The following CCR4 variants were observed in gnomAD, a reference collection of about 807,000 sequenced individuals.
The protein encoded by CCR4 is C-C motif chemokine receptor 4, also known as C-C chemokine receptor type 4.
Under a neutral mutation model 17.1 loss-of-function variants are expected in CCR4, and 9 were observed. The ratio of observed to expected loss-of-function variants is 0.53; its 90% CI spans 0.32 to 0.92. The LOEUF (loss-of-function observed/expected upper bound fraction) is 0.92, where lower values mean the gene tolerates loss of function less well. Ranked by LOEUF, CCR4 falls within the 40% of genes least tolerant of loss-of-function variation. The pLI, the probability that CCR4 is intolerant of heterozygous loss-of-function variation, is 0.04. For missense variants in CCR4, 385 were observed against 433.9 expected (o/e 0.89, Z 1.00); for synonymous variants, 217 against 174.3 (o/e 1.24, Z -1.93).
At position 32,954,177 on chromosome 3, in the gene CCR4, T is replaced by C; in HGVS notation, c.755T>C (p.Leu252Pro). The change falls in exon 2 of 2, where the codon CTT (leucine) becomes CCT (proline). Residue 252 changes from leucine (L) to proline (P), a missense_variant. Leu to Pro is a moderately conservative substitution (Grantham distance 98). Transcript: ENST00000330953. ...KMIFAVVVLF[L>P]GFWTPYNIVL... ...ATCTTTGCCGTGGTGGTCCTCTTCC[T>C]TGGGTTCTGGACACCTTACAACATA... is the stretch of plus-strand genomic sequence containing the variant. The C allele has an allele frequency of 6.2e-7, 1 of 1,614,128 alleles. No homozygotes were observed. Among genetic ancestry groups the C allele is most frequent in the African/African-American group, 1.3e-5 (1 of 75,028 alleles).
At position 32,954,750 on chromosome 3, in the gene CCR4, C is replaced by T. The variant is rs1159034535; in HGVS notation, c.*245C>T. ...GGCTTGCCTGCAGGCATGAGTCAGT[C>T]TGATGAGAACTCTGAGCAGTGCTTG... On this transcript the variant is annotated 3_prime_UTR_variant, in exon 2 of 2. Coordinates refer to ENST00000330953, the MANE Select transcript of CCR4 (RefSeq NM_005508.5). 2.2e-6 allele frequency: 1 copy of T among 458,122 alleles called. No homozygotes were observed. Among genetic ancestry groups the T allele is most frequent in the Non-Finnish European group, 4.0e-6 (1 of 253,010 alleles). The allele number at this position is 458,122 out of a possible 1,614,324, so 28.4% of individuals were successfully genotyped here. A position where few individuals can be genotyped will look rare whatever the true frequency, so the allele number is the denominator to read the frequency against.
Position 32,953,554 on chromosome 3 carries a change from A to G in CCR4, c.132A>G (p.Pro44=). The change falls in exon 2 of 2, where the codon CCA becomes CCG. Residue 44 remains proline (P), a synonymous_variant. Coordinates refer to ENST00000330953, the MANE Select transcript of CCR4 (RefSeq NM_005508.5). ...IKAFGELFLP[P]LYSLVFVFGL... ...CATTTGGGGAGCTCTTCCTGCCCCC[A>G]CTGTATTCCTTGGTTTTTGTATTTG... is the stretch of plus-strand genomic sequence containing the variant. 2 of 1,613,910 alleles carry G rather than the reference A, an allele frequency of 1.2e-6. No individual in the cohort carries two copies. The highest frequency in any genetic ancestry group is 1.7e-6 in the Non-Finnish European group (2 of 1,179,986).
At chr3:32,952,703 A>G (rs553340078) in intron 1 of CCR4, among the ~76,000 whole-genome samples, 315 of 152,356 alleles carry the variant, frequency 2.1e-3, no homozygotes, top group Admixed American at 2.8e-3. Flanking sequence ...AGCCTCAAGA[A>G]GGAAGCAAGG....
At chr3:32,952,936 T>A (rs1697693057) in intron 1 of CCR4, among the ~76,000 whole-genome samples, 1 of 152,218 alleles carries the variant, frequency 6.6e-6, no homozygotes, top group African/African-American at 2.4e-5. Context: ...GAATTGATTT[T>A]TACGTGCAGT....
rs1482746307 is a variant in CCR4, at chr3:32,954,937, A to G, written c.*432A>G. The G allele has an allele frequency of 5.8e-6, 1 of 171,422 alleles. No individual in the cohort carries two copies. Among genetic ancestry groups the G allele is most frequent in the African/African-American group, 2.4e-5 (1 of 41,620 alleles). 10.6% of individuals were successfully genotyped at this position (171,422 alleles called of 1,614,324 possible). ...AATTAATTTCTTGCTTTTGCGGAAC[A>G]ATATAGATAACTGTTTTTCTAATAA... On this transcript the variant is annotated 3_prime_UTR_variant, in exon 2 of 2. Transcript: ENST00000330953.
At chr3:32,953,005 G>A (rs1697694708) in intron 1 of CCR4, among the ~76,000 whole-genome samples, 1 of 152,134 alleles carries the variant, frequency 6.6e-6, no homozygotes. Flanking sequence ...AACTGATTTT[G>A]TCATCCCTGA....
rs966972957 is a variant in CCR4, at chr3:32,952,464, G to A, written c.-52+774G>A. 4.6e-5 allele frequency among the ~76,000 whole-genome samples: 7 copies of A among 152,064 alleles called. No individual in the cohort carries two copies. In the East Asian group the frequency reaches 5.8e-4, roughly 13 times the overall value. On this transcript the variant is annotated intron_variant, in intron 1 of 1. Coordinates refer to ENST00000330953, the MANE Select transcript of CCR4 (RefSeq NM_005508.5). Reference sequence around the variant, plus strand: ...TGTAGAGACAGGGTCTCCTTATGTTGCTCACGCTGGCATGGAGCTCCTTGG... The same window carrying A: ...TGTAGAGACAGGGTCTCCTTATGTTACTCACGCTGGCATGGAGCTCCTTGG...
rs61736864 is a variant in CCR4 at position 32,954,401 on chromosome 3, G to A, written c.979G>A (p.Val327Met). 5.0e-6 allele frequency: 8 copies of A among 1,611,892 alleles called. No homozygotes were observed. The African/African-American group carries it at 1.1e-4, about 22-fold the overall frequency. ...CTTCAAAACCTGCAGGGGCCTTTTT[G>A]TGCTCTGCCAATACTGTGGGCTCCT... ...QLFKTCRGLF[V>M]LCQYCGLLQI... The change falls in exon 2 of 2, where the codon GTG (valine) becomes ATG (methionine). Residue 327 changes from valine to methionine, a missense_variant. Coordinates refer to ENST00000330953, the MANE Select transcript of CCR4 (RefSeq NM_005508.5).
rs1695680336 is a variant in CCR4, at chr3:32,954,615, A to AT, written c.*110_*111insT. 5.0e-6 allele frequency: 6 copies of AT among 1,195,672 alleles called. No individual in the cohort carries two copies. The highest frequency in any genetic ancestry group is 4.7e-5 in the African/African-American group (3 of 64,436). 74.1% of individuals were successfully genotyped at this position (1,195,672 alleles called of 1,614,324 possible). On this transcript the variant is annotated 3_prime_UTR_variant, in exon 2 of 2. Transcript: ENST00000330953. ...AGCCAGTGTCAGGAGGAAGGCTTAC[A>AT]CCCACAGTGGAAAGACAGCTTCTCA...
rs774861204 is a variant in CCR4, at chr3:32,954,407, T to G, written c.985T>G (p.Cys329Gly). ...AACCTGCAGGGGCCTTTTTGTGCTCTGCCAATACTGTGGGCTCCTCCAAAT... is the reference window on the plus strand; with the variant it reads ...AACCTGCAGGGGCCTTTTTGTGCTCGGCCAATACTGTGGGCTCCTCCAAAT... ...FKTCRGLFVLCQYCGLLQIYS... is the reference protein window; with the variant it reads ...FKTCRGLFVLGQYCGLLQIYS... Residue 329 changes from cysteine (C) to glycine (G), a missense_variant, in exon 2 of 2, where the codon TGC (cysteine) becomes GGC (glycine). Cys to Gly is a radical substitution (Grantham distance 159, BLOSUM62 -3). Transcript: ENST00000330953. 33 of 1,609,784 alleles carry G rather than the reference T, an allele frequency of 2.0e-5. No homozygotes were observed. The highest frequency in any genetic ancestry group is 2.5e-5 in the Non-Finnish European group (30 of 1,178,380).
At chr3:32,952,386 C>T (rs1697686376) in intron 1 of CCR4, among the ~76,000 whole-genome samples, 1 of 152,168 alleles carries the variant, frequency 6.6e-6, no homozygotes, top group African/African-American at 2.4e-5. Flanking sequence ...TCCTGAGTAG[C>T]TGGTACTATC....
At chr3:32,952,042 T>A (rs1045836890) in intron 1 of CCR4, among the ~76,000 whole-genome samples, 3 of 151,228 alleles carry the variant, frequency 2.0e-5, no homozygotes, top group Non-Finnish European at 4.4e-5. Flanking sequence ...CAGCTGTGTC[T>A]CCTGGCTTTT....
rs1266004785 is a variant in CCR4, at chr3:32,953,447, A to G, written c.25A>G (p.Thr9Ala). MNPTDIAD[T>A]TLDESIYSNY... The stretch of plus-strand genomic sequence containing the variant: ...AATGAACCCCACGGATATAGCAGAC[A>G]CCACCCTCGATGAAAGCATATACAG... The change falls in exon 2 of 2, where the codon ACC (threonine) becomes GCC (alanine). Residue 9 changes from threonine to alanine, a missense_variant. By Grantham distance (58) the Thr-to-Ala change is moderately conservative (BLOSUM62 0). Transcript: ENST00000330953. 6.2e-7 allele frequency: 1 copy of G among 1,612,018 alleles called. No individual in the cohort carries two copies. The highest frequency in any genetic ancestry group is 8.5e-7 in the Non-Finnish European group (1 of 1,178,944).
intron 1 of CCR4, among the ~76,000 whole-genome samples, chr3:32,952,886 C>A (rs1330046917): frequency 6.6e-6 from 1 of 152,098 alleles, no homozygotes; most frequent in Non-Finnish European, 1.5e-5. Flanking sequence ...TTTTCTAGAT[C>A]CATCAGGTGA....
chr3:32,953,965 G>A lies in CCR4; in HGVS notation c.543G>A (p.Glu181=), dbSNP rs139338126. The A allele has an allele frequency of 3.5e-4, 561 of 1,613,958 alleles. No homozygotes were observed. The highest frequency in any genetic ancestry group is 4.5e-4 in the Non-Finnish European group (531 of 1,180,032). ...TTCTGTTCAGCACTTGTTATACTGAGCGCAACCATACCTACTGCAAAACCA... is the reference window on the plus strand; with the variant it reads ...TTCTGTTCAGCACTTGTTATACTGAACGCAACCATACCTACTGCAAAACCA... The part of the protein sequence containing the change: ...PGFLFSTCYT[E]RNHTYCKTKY... The change falls in exon 2 of 2, where the codon GAG becomes GAA. Residue 181 remains glutamate (E), a synonymous_variant. Coordinates refer to ENST00000330953, the MANE Select transcript of CCR4 (RefSeq NM_005508.5).
Position 32,955,551 on chromosome 3 carries a change from A to T in CCR4, c.*1046A>T, listed in dbSNP as rs1695708949. The T allele has an allele frequency of 6.0e-6, 1 of 165,300 alleles. No individual in the cohort carries two copies. Among genetic ancestry groups the T allele is most frequent in the African/African-American group, 2.4e-5 (1 of 41,252 alleles). The allele number at this position is 165,300 out of a possible 1,614,324, so 10.2% of individuals were successfully genotyped here. The stretch of plus-strand genomic sequence containing the variant: ...AAACTCTGTCTCAAAAAAAAAAAAA[A>T]AAAATTAAATAATACATAGGCCAAG... On this transcript the variant is annotated 3_prime_UTR_variant, in exon 2 of 2. Transcript: ENST00000330953.
At position 32,955,523 on chromosome 3, in the gene CCR4, G is replaced by C. The variant is rs1377742651; in HGVS notation, c.*1018G>C. 2 of 144,668 alleles carry C rather than the reference G, an allele frequency of 1.4e-5. No homozygotes were observed. Among genetic ancestry groups the C allele is most frequent in the Non-Finnish European group, 3.1e-5 (2 of 63,494 alleles). 9.0% of individuals were successfully genotyped at this position (144,668 alleles called of 1,614,324 possible). On this transcript the variant is annotated 3_prime_UTR_variant, in exon 2 of 2. Transcript: ENST00000330953. ...TTGTACTCCAACCTGGGCAAAAAGA[G>C]CGAAACTCTGTCTCAAAAAAAAAAA...
rs1401793998 is a variant in CCR4 at position 32,953,954 on chromosome 3, T to C, written c.532T>C (p.Cys178Arg). Residue 178 changes from cysteine (C) to arginine (R), a missense_variant, in exon 2 of 2, where the codon TGT becomes CGT. Physicochemically the swap from Cys to Arg is radical, Grantham distance 180 (BLOSUM62 -3). Transcript: ENST00000330953. ...ASLPGFLFST[C>R]YTERNHTYCK... Reference sequence around the variant, plus strand: ...CCTTCCTGGCTTTCTGTTCAGCACTTGTTATACTGAGCGCAACCATACCTA... The same window carrying C: ...CCTTCCTGGCTTTCTGTTCAGCACTCGTTATACTGAGCGCAACCATACCTA... The C allele has an allele frequency of 1.2e-6, 2 of 1,613,990 alleles. No individual in the cohort carries two copies. The highest frequency in any genetic ancestry group is 3.3e-5 in the Admixed American group (2 of 59,988).
Position 32,954,243 on chromosome 3 carries a change from A to C in CCR4, c.821A>C (p.Gln274Pro). 1 of 1,614,088 alleles carries C rather than the reference A, an allele frequency of 6.2e-7. No individual in the cohort carries two copies. The highest frequency in any genetic ancestry group is 8.5e-7 in the Non-Finnish European group (1 of 1,180,012). Reference protein sequence around the residue: ...LETLVELEVLQDCTFERYLDY... With the variant: ...LETLVELEVLPDCTFERYLDY... ...ACCCTGGTGGAGCTAGAAGTCCTTCAGGACTGCACCTTTGAAAGATACTTG... is the reference window on the plus strand; with the variant it reads ...ACCCTGGTGGAGCTAGAAGTCCTTCCGGACTGCACCTTTGAAAGATACTTG... Residue 274 changes from glutamine (Q) to proline (P), a missense_variant, in exon 2 of 2, where the codon CAG (glutamine) becomes CCG (proline). Gln to Pro is a moderately conservative substitution (Grantham distance 76, BLOSUM62 -1). Transcript: ENST00000330953.
Sources: gnomAD v4.1 joint callset for allele counts (sites outside exome capture counted in the v4.1 genomes callset) on GRCh38, gnomAD v4.1.1 for gene constraint, MANE v1.5 for transcripts, NCBI Gene and HGNC (gene_info 2026-07-23, HGNC 2026-07-21) for gene names.